The following PDE4D variants were observed in gnomAD, a reference collection of about 807,000 sequenced individuals.
PDE4D encodes the protein 3',5'-cyclic-AMP phosphodiesterase 4D.
PDE4D carries 24 observed loss-of-function variants against 87.4 expected under a neutral mutation model. That is an observed-to-expected ratio of 0.27 (90% CI 0.20 to 0.39). PDE4D has a LOEUF of 0.39. Among genes scored for constraint, PDE4D ranks in the 10% least tolerant of loss-of-function variants. The probability of loss-of-function intolerance (pLI) is 1.00; values close to 1 mark genes in which losing one functional copy is unlikely to be tolerated. For synonymous variants in PDE4D, 384 were observed against 383.2 expected (o/e 1.00, Z -0.02); for missense variants, 714 against 1,041.0 (o/e 0.69, Z 4.32).
intron 5 of PDE4D, among the ~76,000 whole-genome samples, chr5:59,070,511 G>A (rs749488469): frequency 1.1e-4 from 17 of 152,006 alleles, no homozygotes; most frequent in Non-Finnish European, 2.1e-4. Context: ...ACTTCATAGC[G>A]GAAGATAAGG....
At chr5:59,306,190 G>A (rs1771322643) in intron 1 of PDE4D, among the ~76,000 whole-genome samples, 1 of 152,008 alleles carries the variant, frequency 6.6e-6, no homozygotes, top group Non-Finnish European at 1.5e-5. Flanking sequence ...TTTGTTTTGT[G>A]TGACACAAGA....
intron 2 of PDE4D, among the ~76,000 whole-genome samples, chr5:59,200,021 A>ACACACG: frequency 1.5e-5 from 2 of 137,724 alleles, no homozygotes; most frequent in Admixed American, 7.5e-5. Flanking sequence ...ATACATGCAC[A>ACACACG]TATACATACA....
chr5:59,396,303 A>G (rs1402640810), intron 1 of PDE4D, among the ~76,000 whole-genome samples: 1 of 102,094 alleles, frequency 9.8e-6, no homozygotes, highest in East Asian at 3.0e-4. Flanking sequence ...AGTTGAAATG[A>G]AGGAAAAAAT....
At chr5:59,048,606 C>T (rs1171555761) in intron 5 of PDE4D, among the ~76,000 whole-genome samples, 1 of 152,180 alleles carries the variant, frequency 6.6e-6, no homozygotes, top group Non-Finnish European at 1.5e-5. Flanking sequence ...TCAAGGATCC[C>T]ATCCAATACC....
At chr5:59,224,607 T>C (rs1753330190) in intron 1 of PDE4D, among the ~76,000 whole-genome samples, 1 of 152,208 alleles carries the variant, frequency 6.6e-6, no homozygotes, top group African/African-American at 2.4e-5. Flanking sequence ...CTGAATCTTG[T>C]TTCCCCTATA....
intron 1 of PDE4D, among the ~76,000 whole-genome samples, chr5:59,394,586 T>C (rs1442009183): frequency 2.4e-5 from 3 of 124,752 alleles, no homozygotes; most frequent in Non-Finnish European, 5.2e-5. Context: ...TATACTATAT[T>C]ACAAGTTTAC....
intron 1 of PDE4D, among the ~76,000 whole-genome samples, chr5:59,490,039 C>T (rs1238856845): frequency 6.6e-6 from 1 of 152,108 alleles, no homozygotes; most frequent in Non-Finnish European, 1.5e-5. Context: ...TTTATTACTT[C>T]CAGTATAGTA....
chr5:59,544,404 A>G (rs1485171836), intron 1 of PDE4D, among the ~76,000 whole-genome samples: 1 of 152,162 alleles, frequency 6.6e-6, no homozygotes, highest in African/African-American at 2.4e-5. Context: ...GGTAATGAGC[A>G]CTTCTATTCT....
chr5:59,180,507 C>T (rs1428316908), intron 5 of PDE4D, 88 bp downstream of exon 5: 3 of 974,254 alleles, frequency 3.1e-6, no homozygotes, highest in South Asian at 1.4e-5. Context: ...CAAATTGCAG[C>T]ATGAAATTGG....
chr5:59,630,176 A>G (rs1320605618), intron 1 of PDE4D, among the ~76,000 whole-genome samples: 1 of 152,214 alleles, frequency 6.6e-6, no homozygotes, highest in Non-Finnish European at 1.5e-5. Context: ...GCATATGCAC[A>G]CATACGCACA....
intron 1 of PDE4D, among the ~76,000 whole-genome samples, chr5:59,264,655 C>G (rs573837782): frequency 1.0e-3 from 159 of 152,072 alleles, no homozygotes; most frequent in South Asian, 1.2e-3. Flanking sequence ...GTGAACTCCA[C>G]CCTCAATCAC....
At chr5:59,255,909 C>A (rs188210010) in intron 1 of PDE4D, among the ~76,000 whole-genome samples, 9 of 152,050 alleles carry the variant, frequency 5.9e-5, no homozygotes, top group Non-Finnish European at 1.5e-5. Context: ...CATAGATGCA[C>A]AGTATTGTCT....
chr5:59,569,132 A>G (rs1346325611), intron 1 of PDE4D, among the ~76,000 whole-genome samples: 1 of 152,196 alleles, frequency 6.6e-6, no homozygotes, highest in East Asian at 1.9e-4. Context: ...TCTTACTGAC[A>G]TAAGCCAATA....
chr5:59,024,922 T>A (rs528280224), intron 6 of PDE4D, among the ~76,000 whole-genome samples: 15 of 152,096 alleles, frequency 9.9e-5, no homozygotes, highest in African/African-American at 3.6e-4. Context: ...AATATTTTTT[T>A]AAAAAAGATA....
chr5:59,719,902 C>T (rs1483274006), intron 1 of PDE4D, among the ~76,000 whole-genome samples: 1 of 152,156 alleles, frequency 6.6e-6, no homozygotes. Context: ...ATGCAAAAAG[C>T]CACATTCAAT....
intron 3 of PDE4D, among the ~76,000 whole-genome samples, chr5:59,972,627 C>T (rs1410338346): frequency 6.6e-6 from 1 of 152,136 alleles, no homozygotes; most frequent in East Asian, 1.9e-4. Context: ...GGTACTTGCT[C>T]CAGGAAATGT....
At chr5:59,496,435 G>A (rs1393566551) in intron 1 of PDE4D, among the ~76,000 whole-genome samples, 1 of 152,160 alleles carries the variant, frequency 6.6e-6, no homozygotes, top group African/African-American at 2.4e-5. Context: ...AGGCCTGGGG[G>A]TGGAGCCCTC....
At position 58,972,497 on chromosome 5, in the gene PDE4D, CA is replaced by C. The variant is rs747331829; in HGVS notation, c.*2166del. Reference sequence around the variant, plus strand: ...AATGGGGACTCTCTTCAGCATGAGTCATTTGCCTGGCTGATGACTTACTTTC... The same window carrying C: ...AATGGGGACTCTCTTCAGCATGAGTCTTTGCCTGGCTGATGACTTACTTTC... On this transcript the variant is annotated 3_prime_UTR_variant, in exon 15 of 15. Coordinates refer to ENST00000340635, the MANE Select transcript of PDE4D (RefSeq NM_001104631.2). 16 of 152,302 alleles carry C rather than the reference CA, an allele frequency of 1.1e-4. No individual in the cohort carries two copies. The highest frequency in any genetic ancestry group is 1.9e-4 in the Non-Finnish European group (13 of 68,024). The allele number at this position is 152,302 out of a possible 1,614,324, so 9.4% of individuals were successfully genotyped here.
intron 1 of PDE4D, among the ~76,000 whole-genome samples, chr5:59,632,152 C>T (rs913176174): frequency 1.3e-5 from 2 of 152,152 alleles, no homozygotes; most frequent in African/African-American, 2.4e-5. Flanking sequence ...CAGAGCCCAC[C>T]GCAGCTCCAC....
Sources: allele counts gnomAD v4.1 joint callset (sites outside exome capture counted in the v4.1 genomes callset), GRCh38; gene constraint gnomAD v4.1.1; transcripts MANE v1.5; gene names NCBI Gene and HGNC (gene_info 2026-07-23, HGNC 2026-07-21).